COL25A1: variants seen among roughly 807,000 people sequenced by gnomAD.
COL25A1 encodes collagen type XXV alpha 1 chain.
COL25A1 carries 103 observed loss-of-function variants against 128.4 expected under a neutral mutation model. That is an observed-to-expected ratio of 0.80 (90% CI 0.68 to 0.94). COL25A1 has a LOEUF of 0.94. Among genes scored for constraint, COL25A1 ranks in the 40% least tolerant of loss-of-function variants. The pLI is 0.00. For missense variants in COL25A1, 745 were observed against 840.0 expected (o/e 0.89, Z 1.40); for synonymous variants, 279 against 277.2 (o/e 1.01, Z -0.06).
At chr4:109,287,389 TA>T (rs200678961) in intron 3 of COL25A1, among the ~76,000 whole-genome samples, 3,433 of 152,152 alleles carry the variant, frequency 0.023, 137 homozygotes, top group African/African-American at 0.077. Flanking sequence ...GTTAATTGAA[TA>T]AAAAAAATTT....
intron 13 of COL25A1, among the ~76,000 whole-genome samples, chr4:108,903,371 T>C (rs1010023428): frequency 2.0e-5 from 3 of 152,036 alleles, no homozygotes; most frequent in East Asian, 3.8e-4. Context: ...ATTGCATAGC[T>C]TGATGTTCTG....
chr4:109,223,892 A>T lies in COL25A1; in HGVS notation c.367+76691T>A, dbSNP rs141162903. 7.2e-5 allele frequency among the ~76,000 whole-genome samples: 11 copies of T among 152,318 alleles called. No homozygotes were observed. In the East Asian group the frequency reaches 2.1e-3, roughly 29 times the overall value. Reference sequence around the variant, plus strand: ...GACAAGTGCTGAGTGTAAGATACTGATATCCCTAAAGATTTATGAATTACA... The same window carrying T: ...GACAAGTGCTGAGTGTAAGATACTGTTATCCCTAAAGATTTATGAATTACA... On this transcript the variant is annotated intron_variant, in intron 3 of 37. Coordinates refer to ENST00000399132, the MANE Select transcript of COL25A1 (RefSeq NM_198721.4).
intron 27 of COL25A1, among the ~76,000 whole-genome samples, chr4:108,846,981 C>A (rs556176201): frequency 6.0e-5 from 9 of 149,642 alleles, no homozygotes; most frequent in Admixed American, 1.3e-4. Context: ...TCTTGGCTCA[C>A]TGCAACCTCC....
intron 3 of COL25A1, among the ~76,000 whole-genome samples, chr4:109,129,692 C>T (rs1768983741): frequency 2.0e-5 from 3 of 152,200 alleles, no homozygotes; most frequent in Admixed American, 6.5e-5. Flanking sequence ...CCTATTCCTT[C>T]GACAGATGTT....
chr4:109,184,946 C>G (rs1488918640), intron 3 of COL25A1, among the ~76,000 whole-genome samples: 2 of 152,170 alleles, frequency 1.3e-5, no homozygotes, highest in African/African-American at 4.8e-5. Context: ...ATCTCTTGAT[C>G]CTGATTCTGG....
chr4:109,156,812 T>C (rs1772082172), intron 3 of COL25A1, among the ~76,000 whole-genome samples: 1 of 152,260 alleles, frequency 6.6e-6, no homozygotes, highest in Non-Finnish European at 1.5e-5. Context: ...CACAGAGTCA[T>C]TTAATCCGTT....
At chr4:108,859,622 T>C (rs751742485) in intron 24 of COL25A1, 34 bp downstream of exon 24, 2 of 1,589,290 alleles carry the variant, frequency 1.3e-6, no homozygotes, top group South Asian at 2.2e-5. Flanking sequence ...AGCATCCTTC[T>C]CAGTGTGTGT....
At chr4:109,084,784 T>C (rs1032252754) in intron 3 of COL25A1, among the ~76,000 whole-genome samples, 7 of 152,228 alleles carry the variant, frequency 4.6e-5, no homozygotes, top group South Asian at 2.1e-4. Flanking sequence ...ATCTGAGAGC[T>C]ACCTGGTTAG....
At chr4:108,948,851 TAAG>T (rs1428760763) in intron 8 of COL25A1, among the ~76,000 whole-genome samples, 8 of 152,180 alleles carry the variant, frequency 5.3e-5, no homozygotes. Flanking sequence ...GATCTATGAA[TAAG>T]AAGACGGCAG....
intron 5 of COL25A1, among the ~76,000 whole-genome samples, chr4:109,044,484 T>TGAGTGTCC (rs1417879138): frequency 4.1e-4 from 62 of 152,314 alleles, no homozygotes; most frequent in African/African-American, 1.3e-3. Flanking sequence ...TTTGTTTTAC[T>TGAGTGTCC]GAGTGTCCAA....
In COL25A1 at chr4:108,819,272, G is replaced by C. The variant is rs933076213; in HGVS notation, c.1903C>G (p.Leu635Val). ...TGTACCAATTGGCAAGGGGCATCCAGCCCATCCAGGCCAGGCTGGCCTGGC... is the reference window on the plus strand; with the variant it reads ...TGTACCAATTGGCAAGGGGCATCCACCCCATCCAGGCCAGGCTGGCCTGGC... ...GEPGQPGLDG[L>V]DAPCQLGPDG... Residue 635 changes from leucine (L) to valine (V), a missense_variant, in exon 36 of 38, where the codon CTG (leucine) becomes GTG (valine). Transcript: ENST00000399132. The C allele has an allele frequency of 3.7e-6, 6 of 1,611,646 alleles. No individual in the cohort carries two copies. The highest frequency in any genetic ancestry group is 5.1e-6 in the Non-Finnish European group (6 of 1,179,340).
intron 3 of COL25A1, among the ~76,000 whole-genome samples, chr4:109,210,982 G>C (rs1410160771): frequency 6.6e-6 from 1 of 151,896 alleles, no homozygotes; most frequent in African/African-American, 2.4e-5. Flanking sequence ...AGCACACATG[G>C]GCACAAAGAA....
intron 5 of COL25A1, among the ~76,000 whole-genome samples, chr4:109,012,543 G>A (rs1039374736): frequency 1.4e-4 from 22 of 152,178 alleles, no homozygotes; most frequent in Non-Finnish European, 3.1e-4. Context: ...AGGTGGGCGC[G>A]GGCTTGGCGG....
intron 6 of COL25A1, among the ~76,000 whole-genome samples, chr4:108,997,605 T>A (rs1410532175): frequency 2.0e-5 from 3 of 152,090 alleles, no homozygotes; most frequent in Admixed American, 2.0e-4. Flanking sequence ...AAAGAGGGAA[T>A]CCTCCCTAAC....
intron 3 of COL25A1, among the ~76,000 whole-genome samples, chr4:109,248,208 A>T (rs1216453939): frequency 6.6e-6 from 1 of 152,150 alleles, no homozygotes; most frequent in Non-Finnish European, 1.5e-5. Flanking sequence ...GGTAATTTGA[A>T]ACCTTTTATT....
chr4:109,196,217 T>A (rs1776030804), intron 3 of COL25A1, among the ~76,000 whole-genome samples: 2 of 152,124 alleles, frequency 1.3e-5, no homozygotes, highest in East Asian at 1.9e-4. Flanking sequence ...TGAAAGGAAA[T>A]GCAATCAGAC....
At chr4:109,141,747 G>T (rs552477033) in intron 3 of COL25A1, among the ~76,000 whole-genome samples, 1 of 152,222 alleles carries the variant, frequency 6.6e-6, no homozygotes, top group African/African-American at 2.4e-5. Flanking sequence ...TTCTCTGACG[G>T]TTGTTTGTAT....
chr4:109,121,052 A>G (rs563258241), intron 3 of COL25A1, among the ~76,000 whole-genome samples: 1 of 152,150 alleles, frequency 6.6e-6, no homozygotes, highest in Admixed American at 6.6e-5. Context: ...ATTCAATGCA[A>G]TCCCAATCAA....
intron 5 of COL25A1, among the ~76,000 whole-genome samples, chr4:109,019,367 C>CATATATATATATATATATAT (rs1757498504): frequency 9.0e-6 from 1 of 110,640 alleles, no homozygotes; most frequent in Non-Finnish European, 2.3e-5. Context: ...CACACACACA[C>CATATATATATATATATATAT]ACACACACAT....
Sources: gnomAD v4.1 joint callset for allele counts (sites outside exome capture counted in the v4.1 genomes callset) on GRCh38, gnomAD v4.1.1 for gene constraint, MANE v1.5 for transcripts, NCBI Gene and HGNC (gene_info 2026-07-23, HGNC 2026-07-21) for gene names.